The following EXT1 variants were observed in gnomAD, a reference collection of about 807,000 sequenced individuals.
The protein encoded by EXT1 is exostosin-1.
Under a neutral mutation model 82.5 loss-of-function variants are expected in EXT1, and 20 were observed. The observed-to-expected ratio is 0.24, with a 90% confidence interval of 0.17 to 0.35. The LOEUF (loss-of-function observed/expected upper bound fraction) is 0.35. Ranked by LOEUF, EXT1 falls within the 10% of genes least tolerant of loss-of-function variation. EXT1 has a pLI of 1.00. For missense variants in EXT1, 757 were observed against 936.5 expected, an observed-to-expected ratio of 0.81 and a Z score of 2.50; for synonymous variants, 348 against 350.8, an observed-to-expected ratio of 0.99 and a Z score of 0.09.
At chr8:117,908,500 T>C (rs1813582819) in intron 1 of EXT1, among the ~76,000 whole-genome samples, 2 of 151,640 alleles carry the variant, frequency 1.3e-5, no homozygotes, top group Admixed American at 1.3e-4. Context: ...CATGGTGGTG[T>C]ATGCCTGTAG....
intron 1 of EXT1, among the ~76,000 whole-genome samples, chr8:118,072,532 T>C (rs1219978640): frequency 6.6e-6 from 1 of 152,242 alleles, no homozygotes. Flanking sequence ...CCTAAGCCCC[T>C]GTGACCAGAC....
chr8:118,053,756 G>C (rs1034673300), intron 1 of EXT1, among the ~76,000 whole-genome samples: 7 of 152,194 alleles, frequency 4.6e-5, no homozygotes, highest in Admixed American at 2.0e-4. Context: ...ATTTGCCAAA[G>C]ACCATACAGC....
intron 1 of EXT1, among the ~76,000 whole-genome samples, chr8:117,932,927 A>G (rs1294045614): frequency 1.3e-5 from 2 of 152,162 alleles, no homozygotes; most frequent in Non-Finnish European, 2.9e-5. Flanking sequence ...GGACACCCAG[A>G]GGGAATGCAA....
chr8:117,834,250 T>C (rs1374487816), intron 3 of EXT1, among the ~76,000 whole-genome samples: 1 of 152,166 alleles, frequency 6.6e-6, no homozygotes, highest in Non-Finnish European at 1.5e-5. Context: ...TTAGGGAAAG[T>C]GCTGTATTAC....
At chr8:117,896,826 C>G (rs2129956879) in intron 1 of EXT1, among the ~76,000 whole-genome samples, 1 of 152,322 alleles carries the variant, frequency 6.6e-6, no homozygotes, top group East Asian at 1.9e-4. Context: ...AAGCGACAAA[C>G]AGAAGAGCTG....
intron 1 of EXT1, among the ~76,000 whole-genome samples, chr8:117,997,963 G>A (rs1815582387): frequency 6.6e-6 from 1 of 151,742 alleles, no homozygotes; most frequent in Non-Finnish European, 1.5e-5. Context: ...TTCTTTGAGA[G>A]AGGAAACCCA....
intron 1 of EXT1, among the ~76,000 whole-genome samples, chr8:118,093,965 T>C (rs1817565844): frequency 6.6e-6 from 1 of 152,262 alleles, no homozygotes; most frequent in Admixed American, 6.5e-5. Flanking sequence ...AGTCATTCAC[T>C]GTTATCGCGC....
chr8:117,867,388 G>C (rs1040492180), intron 1 of EXT1, among the ~76,000 whole-genome samples: 9 of 152,012 alleles, frequency 5.9e-5, no homozygotes, highest in African/African-American at 2.2e-4. Context: ...GAATGGGGTG[G>C]GTAGAAGAAA....
rs574239489 is a variant in EXT1, at chr8:117,994,347, C to T, written c.962+115738G>A. Among the ~76,000 whole-genome samples, 3 of 152,292 alleles carry T rather than the reference C, an allele frequency of 2.0e-5. No homozygotes were observed. In the Middle Eastern group the frequency reaches 0.01, roughly 518 times the overall value. On this transcript the variant is annotated intron_variant, in intron 1 of 10. Transcript: ENST00000378204. ...CTTGGATCAGCTGGGCACAGTTGCTCACACCTGTAATCCCAGCACTTTGGG... is the reference window on the plus strand; with the variant it reads ...CTTGGATCAGCTGGGCACAGTTGCTTACACCTGTAATCCCAGCACTTTGGG...
intron 1 of EXT1, among the ~76,000 whole-genome samples, chr8:118,023,871 C>T (rs773146859): frequency 1.1e-4 from 17 of 152,250 alleles, no homozygotes; most frequent in Admixed American, 2.0e-4. Flanking sequence ...ATTAGCAATG[C>T]CATTTCTTCC....
intron 3 of EXT1, chr8:117,831,512 C>T (rs1812097592): frequency 4.4e-6 from 2 of 459,008 alleles, no homozygotes; most frequent in Non-Finnish European, 9.1e-6. Context: ...CCTATTTTCA[C>T]CTACAGTTCA....
At chr8:118,041,313 T>C (rs1040717095) in intron 1 of EXT1, among the ~76,000 whole-genome samples, 2 of 152,160 alleles carry the variant, frequency 1.3e-5, no homozygotes, top group African/African-American at 4.8e-5. Context: ...CCAACTCCCA[T>C]ATACAACCAG....
chr8:118,047,452 T>C (rs753541649), intron 1 of EXT1, among the ~76,000 whole-genome samples: 2 of 152,146 alleles, frequency 1.3e-5, no homozygotes, highest in Non-Finnish European at 2.9e-5. Context: ...GCCCAGGACA[T>C]AGAGAGCACT....
At chr8:118,046,732 T>A (rs1479160590) in intron 1 of EXT1, among the ~76,000 whole-genome samples, 1 of 152,024 alleles carries the variant, frequency 6.6e-6, no homozygotes, top group East Asian at 1.9e-4. Flanking sequence ...TCTGTAAACC[T>A]CCCCAAATAC....
chr8:118,062,122 C>T lies in EXT1; in HGVS notation c.962+47963G>A, dbSNP rs896385985. ...CATTTCTAAAAATTAACTGAAGAAA[C>T]GTGGACACGTGTTCCATGACTTCCA... On this transcript the variant is annotated intron_variant, in intron 1 of 10. Coordinates refer to ENST00000378204, the MANE Select transcript of EXT1 (RefSeq NM_000127.3). Among the ~76,000 whole-genome samples, 7 of 152,110 alleles carry T rather than the reference C, an allele frequency of 4.6e-5. No homozygotes were observed. In the East Asian group the frequency reaches 5.8e-4, roughly 13 times the overall value.
chr8:117,949,601 T>C (rs1442588894), intron 1 of EXT1, among the ~76,000 whole-genome samples: 1 of 151,260 alleles, frequency 6.6e-6, no homozygotes, highest in Non-Finnish European at 1.5e-5. Flanking sequence ...GTGAATCATT[T>C]GCACAATTAC....
intron 1 of EXT1, among the ~76,000 whole-genome samples, chr8:117,898,921 T>C (rs1345519083): frequency 6.6e-6 from 1 of 152,198 alleles, no homozygotes; most frequent in African/African-American, 2.4e-5. Flanking sequence ...TATCAATTCC[T>C]GATTTGTTTT....
chr8:117,839,350 G>A (rs17430266), intron 1 of EXT1, among the ~76,000 whole-genome samples: 38,145 of 152,042 alleles, frequency 0.25, 4,953 homozygotes, highest in East Asian at 0.49. Context: ...TATCATTTTT[G>A]GGTAAGAAAG....
chr8:117,907,466 CTT>C (rs1813564106), intron 1 of EXT1, among the ~76,000 whole-genome samples: 1 of 152,170 alleles, frequency 6.6e-6, no homozygotes, highest in South Asian at 2.1e-4. Context: ...CATCCTTTGA[CTT>C]TTGCTGTCAG....
Sources: allele counts gnomAD v4.1 joint callset (sites outside exome capture counted in the v4.1 genomes callset), GRCh38; gene constraint gnomAD v4.1.1; transcripts MANE v1.5; gene names NCBI Gene and HGNC (gene_info 2026-07-23, HGNC 2026-07-21).